The following PARD3B variants were observed in gnomAD, a reference collection of about 807,000 sequenced individuals.
PARD3B encodes the protein par-3 family cell polarity regulator beta.
A neutral mutation model predicts 130.2 loss-of-function variants in PARD3B; 103 were observed. The observed-to-expected ratio is 0.79, with a 90% CI of 0.67 to 0.93. PARD3B has a LOEUF of 0.93. PARD3B is among the 40% of genes least tolerant of loss of function. The pLI, the probability that PARD3B is intolerant of heterozygous loss-of-function variation, is 0.00. For synonymous variants in PARD3B, 583 were observed against 553.2 expected, an observed-to-expected ratio of 1.05 and a Z score of -0.76; for missense variants, 1,609 against 1,499.2, an observed-to-expected ratio of 1.07 and a Z score of -1.21.
chr2:205,081,885 T>C (rs1014063274), intron 4 of PARD3B, among the ~76,000 whole-genome samples: 4 of 152,296 alleles, frequency 2.6e-5, no homozygotes, highest in South Asian at 2.1e-4. Flanking sequence ...TTCATGGTAA[T>C]GCTAGTTTAT....
At chr2:204,683,161 A>G (rs2036919786) in intron 1 of PARD3B, among the ~76,000 whole-genome samples, 1 of 152,222 alleles carries the variant, frequency 6.6e-6, no homozygotes, top group African/African-American at 2.4e-5. Flanking sequence ...AAACATAATT[A>G]TAACATTATT....
chr2:204,797,104 G>C (rs1022354569), intron 2 of PARD3B, among the ~76,000 whole-genome samples: 1 of 150,924 alleles, frequency 6.6e-6, no homozygotes, highest in African/African-American at 2.4e-5. Context: ...GAACCGAGGA[G>C]GTGGAGGTTA....
chr2:204,688,440 A>AGTG, intron 2 of PARD3B, among the ~76,000 whole-genome samples: 1 of 151,682 alleles, frequency 6.6e-6, no homozygotes, highest in Non-Finnish European at 1.5e-5. Flanking sequence ...ATTACACAGG[A>AGTG]GTGGTGGCAT....
chr2:204,705,853 T>C (rs1389089841), intron 2 of PARD3B, among the ~76,000 whole-genome samples: 2 of 152,084 alleles, frequency 1.3e-5, no homozygotes, highest in Non-Finnish European at 2.9e-5. Flanking sequence ...ATAAGGTGAT[T>C]GTTGATGAAT....
At chr2:204,680,853 C>T (rs532865425) in intron 1 of PARD3B, among the ~76,000 whole-genome samples, 1 of 152,126 alleles carries the variant, frequency 6.6e-6, no homozygotes, top group Non-Finnish European at 1.5e-5. Flanking sequence ...TAAATGATTT[C>T]AGACCTTTGA....
chr2:204,629,826 G>A (rs1185097321), intron 1 of PARD3B, among the ~76,000 whole-genome samples: 1 of 151,988 alleles, frequency 6.6e-6, no homozygotes, highest in Non-Finnish European at 1.5e-5. Context: ...CTCTAAAAAG[G>A]ACAAATTATT....
chr2:204,979,190 A>C lies in PARD3B; in HGVS notation c.394+13867A>C, dbSNP rs572683616. On this transcript the variant is annotated intron_variant, in intron 3 of 22. Transcript: ENST00000406610. ...CACTGCAGTCCAGCCTAGGCGACAG[A>C]GCGAGACTCTGTCTCAAAAAAAAAA... Among the ~76,000 whole-genome samples the C allele has an allele frequency of 2.4e-3, 361 of 150,652 alleles. 2 individuals carry two copies. Among genetic ancestry groups the C allele is most frequent in the African/African-American group, 8.4e-3 (341 of 40,742 alleles).
intron 4 of PARD3B, among the ~76,000 whole-genome samples, chr2:205,054,430 ATATATATTTT>A (rs1470541745): frequency 5.8e-4 from 22 of 37,706 alleles, no homozygotes; most frequent in African/African-American, 1.1e-3. Flanking sequence ...ATATATATAT[ATATATATTTT>A]TTTTTTTTTT....
chr2:205,100,479 A>T (rs1702697388), intron 4 of PARD3B, among the ~76,000 whole-genome samples: 1 of 152,068 alleles, frequency 6.6e-6, no homozygotes, highest in Admixed American at 6.6e-5. Flanking sequence ...GATATTAACA[A>T]ACTGATTCCA....
intron 2 of PARD3B, among the ~76,000 whole-genome samples, chr2:204,940,128 CAT>C (rs1443090508): frequency 1.3e-5 from 2 of 152,148 alleles, no homozygotes; most frequent in African/African-American, 4.8e-5. Context: ...TAATTCATAC[CAT>C]AGTGTCTTTA....
In PARD3B at chr2:205,463,126, C is replaced by T. The variant is rs968066081; in HGVS notation, c.3044+22454C>T. On this transcript the variant is annotated intron_variant, in intron 20 of 22. Coordinates refer to ENST00000406610, the MANE Select transcript of PARD3B (RefSeq NM_001302769.2). This position sits in a 1 kb window ranked among gnomAD's most constrained non-coding sequence, Gnocchi z 4.8. Reference sequence around the variant, plus strand: ...CCTTATTTGGTTTGAACTGACTCACCTAATTGGGGTCAACCACTGAAAAAA... The same window carrying T: ...CCTTATTTGGTTTGAACTGACTCACTTAATTGGGGTCAACCACTGAAAAAA... 4.6e-5 allele frequency among the ~76,000 whole-genome samples: 7 copies of T among 152,070 alleles called. No individual in the cohort carries two copies. Among genetic ancestry groups the T allele is most frequent in the African/African-American group, 1.4e-4 (6 of 41,400 alleles).
intron 3 of PARD3B, among the ~76,000 whole-genome samples, chr2:204,995,262 T>G (rs1249078475): frequency 6.6e-6 from 1 of 152,040 alleles, no homozygotes; most frequent in Non-Finnish European, 1.5e-5. Flanking sequence ...AGGAGCTCTT[T>G]TAGGGCAGGC....
At position 204,799,717 on chromosome 2, in the gene PARD3B, C is replaced by T. The variant is rs2042497882; in HGVS notation, c.222+113435C>T. ...CAAAGTGAGGGAAGAGAACAAGAGTCTCTGCCTGGTAATCCAGGGACTTCT... is the reference window on the plus strand; with the variant it reads ...CAAAGTGAGGGAAGAGAACAAGAGTTTCTGCCTGGTAATCCAGGGACTTCT... On this transcript the variant is annotated intron_variant, in intron 2 of 22. Transcript: ENST00000406610. The surrounding 1 kb of genome is among the most constrained non-coding windows in gnomAD (Gnocchi z 4.1). Among the ~76,000 whole-genome samples the T allele has an allele frequency of 6.6e-6, 1 of 152,202 alleles. No homozygotes were observed. The highest frequency in any genetic ancestry group is 2.1e-4 in the South Asian group (1 of 4,824).
intron 2 of PARD3B, among the ~76,000 whole-genome samples, chr2:204,876,849 G>C (rs2045864149): frequency 6.6e-6 from 1 of 152,182 alleles, no homozygotes; most frequent in South Asian, 2.1e-4. Context: ...GCGCTCCACT[G>C]TAGCAATTTC....
chr2:204,941,271 G>GGCTGA (rs1688879459), intron 2 of PARD3B, among the ~76,000 whole-genome samples: 1 of 152,176 alleles, frequency 6.6e-6, no homozygotes, highest in Non-Finnish European at 1.5e-5. Flanking sequence ...CTATTCAGGA[G>GGCTGA]GCTGAGGGAG....
At chr2:204,899,500 A>G (rs574070891) in intron 2 of PARD3B, among the ~76,000 whole-genome samples, 1 of 152,132 alleles carries the variant, frequency 6.6e-6, no homozygotes, top group Non-Finnish European at 1.5e-5. Context: ...AGGAAAAAAA[A>G]CTAAAAAAAC....
intron 2 of PARD3B, among the ~76,000 whole-genome samples, chr2:204,754,502 G>A (rs2040587624): frequency 6.6e-6 from 1 of 152,000 alleles, no homozygotes. Context: ...AATAGAACCT[G>A]CCTTATAAAG....
At chr2:205,246,362 T>C (rs1042607577) in intron 16 of PARD3B, among the ~76,000 whole-genome samples, 3 of 152,148 alleles carry the variant, frequency 2.0e-5, no homozygotes, top group African/African-American at 7.2e-5. Context: ...TTTCTAAGGA[T>C]CTCTTAGGTC....
chr2:204,656,010 C>CTGGGCCT (rs1025513645), intron 1 of PARD3B, among the ~76,000 whole-genome samples: 1 of 151,994 alleles, frequency 6.6e-6, no homozygotes, highest in Non-Finnish European at 1.5e-5. Flanking sequence ...GCAGGCTAGT[C>CTGGGCCT]TGGGCCTTTT....
Sources: gnomAD v4.1 joint callset for allele counts (sites outside exome capture counted in the v4.1 genomes callset) on GRCh38, gnomAD v4.1.1 for gene constraint, Gnocchi (gnomAD v3.1) non-coding constraint, MANE v1.5 for transcripts, NCBI Gene and HGNC (gene_info 2026-07-23, HGNC 2026-07-21) for gene names.